Variants in ZFYVE26 observed in about 807,000 individuals in gnomAD.
The protein encoded by ZFYVE26 is zinc finger FYVE domain-containing protein 26.
Under a neutral mutation model 276.5 loss-of-function variants are expected in ZFYVE26, and 181 were observed. That is an observed-to-expected ratio of 0.65 (90% CI 0.58 to 0.74). The LOEUF (loss-of-function observed/expected upper bound fraction) is 0.74, where lower values mean the gene tolerates loss of function less well. ZFYVE26 is among the 30% of genes least tolerant of loss of function. The pLI is 0.00. For missense variants in ZFYVE26, 2,821 were observed against 3,097.9 expected (o/e 0.91, Z 2.12); for synonymous variants, 1,129 against 1,203.1 (o/e 0.94, Z 1.27).
intron 12 of ZFYVE26, among the ~76,000 whole-genome samples, chr14:67,795,527 A>C (rs921955400): frequency 3.3e-5 from 5 of 152,226 alleles, no homozygotes; most frequent in Non-Finnish European, 7.3e-5. Context: ...CTATCTAAGC[A>C]GGTACATTAC....
chr14:67,755,132 T>C lies in ZFYVE26; in HGVS notation c.6905A>G (p.Tyr2302Cys), dbSNP rs199939197. 1 of 1,614,148 alleles carries C rather than the reference T, an allele frequency of 6.2e-7. No individual in the cohort carries two copies. The highest frequency in any genetic ancestry group is 1.7e-4 in the Middle Eastern group (1 of 6,060). Residue 2302 changes from tyrosine to cysteine, a missense_variant, in exon 37 of 42, where the codon TAC becomes TGC. Transcript: ENST00000347230. ...LLKAKDHLKI[Y>C]LQETSRSSGR... The stretch of plus-strand genomic sequence containing the variant: ...AGAGCTGCGGGATGTTTCTTGGAGG[T>C]AGATCTTCAGGTGGTCCTTGGCCTT...
Position 67,798,518 on chromosome 14 carries a change from G to A in ZFYVE26, c.1744C>T (p.Leu582Phe), listed in dbSNP as rs201652746. 8 of 1,614,146 alleles carry A rather than the reference G, an allele frequency of 5.0e-6. No individual in the cohort carries two copies. In the East Asian group the frequency reaches 1.6e-4, roughly 31 times the overall value. The change falls in exon 11 of 42, where the codon CTT (leucine) becomes TTT (phenylalanine). Residue 582 changes from leucine to phenylalanine, a missense_variant. Physicochemically the swap from Leu to Phe is conservative, Grantham distance 22 (BLOSUM62 0). Coordinates refer to ENST00000347230, the MANE Select transcript of ZFYVE26 (RefSeq NM_015346.4). The stretch of plus-strand genomic sequence containing the variant: ...TGAAGATCAGCAGAGGTGATGAGAA[G>A]CAATGAGAAGATGTTTTCCAGAAGC... ...LELLENIFSL[L>F]LITSADLHPE... is the part of the protein sequence containing the mutation.
intron 13 of ZFYVE26, chr14:67,735,392 T>C: frequency 2.9e-6 from 2 of 679,832 alleles, no homozygotes; most frequent in Non-Finnish European, 5.4e-6. Context: ...CTTGTCATGT[T>C]TCCAGAAAAG....
At chr14:67,805,109 G>T in intron 8 of ZFYVE26, 108 bp downstream of exon 8, 1 of 1,063,642 alleles carries the variant, frequency 9.4e-7, no homozygotes, top group Non-Finnish European at 1.4e-6. Flanking sequence ...GGTCAACATT[G>T]CCAACTCAAA....
intron 13 of ZFYVE26, among the ~76,000 whole-genome samples, chr14:67,736,109 C>G (rs2038349607): frequency 6.6e-6 from 1 of 152,186 alleles, no homozygotes; most frequent in African/African-American, 2.4e-5. Context: ...AGGGTTGAAA[C>G]TGGAAAGTGG....
Position 67,798,152 on chromosome 14 carries a change from G to A in ZFYVE26, c.2110C>T (p.Pro704Ser). 6.2e-7 allele frequency: 1 copy of A among 1,614,036 alleles called. No individual in the cohort carries two copies. The highest frequency in any genetic ancestry group is 8.5e-7 in the Non-Finnish European group (1 of 1,179,966). Residue 704 changes from proline (P) to serine (S), a missense_variant, in exon 11 of 42, where the codon CCT becomes TCT. By Grantham distance (74) the Pro-to-Ser change is moderately conservative (BLOSUM62 -1). Coordinates refer to ENST00000347230, the MANE Select transcript of ZFYVE26 (RefSeq NM_015346.4). ...EQLDEISSRS[P>S]PEKPKQESQS... ...CTTTCTTGCTTTGGCTTCTCAGGAG[G>A]GCTGCGGCTACTGATCTCATCCAGT...
rs915030769 is a variant in ZFYVE26, at chr14:67,748,017, G to A, written c.*419C>T. Reference sequence around the variant, plus strand: ...CCACAGAGGGGGGACTATACAAACAGGACAACCCGGGTCAAGAACCAAAAC... The same window carrying A: ...CCACAGAGGGGGGACTATACAAACAAGACAACCCGGGTCAAGAACCAAAAC... On this transcript the variant is annotated 3_prime_UTR_variant, in exon 42 of 42. Coordinates refer to ENST00000347230, the MANE Select transcript of ZFYVE26 (RefSeq NM_015346.4). 1 of 237,180 alleles carries A rather than the reference G, an allele frequency of 4.2e-6. No homozygotes were observed. Among genetic ancestry groups the A allele is most frequent in the African/African-American group, 2.2e-5 (1 of 44,502 alleles). The allele number at this position is 237,180 out of a possible 1,614,324, so 14.7% of individuals were successfully genotyped here.
Position 67,806,728 on chromosome 14 carries a change from G to A in ZFYVE26, c.887-53C>T, listed in dbSNP as rs559899198. The A allele has an allele frequency of 1.1e-5, 18 of 1,608,398 alleles. No individual in the cohort carries two copies. The African/African-American group carries it at 2.0e-4, about 18-fold the overall frequency. ...GAAACCAAGAACTCTTCTTTTCTAA[G>A]CTAGAGCCCATTTGAACAACCAAGT... On this transcript the variant is annotated intron_variant, in intron 5 of 41. Coordinates refer to ENST00000347230, the MANE Select transcript of ZFYVE26 (RefSeq NM_015346.4).
intron 35 of ZFYVE26, among the ~76,000 whole-genome samples, chr14:67,757,987 T>C (rs113917672): frequency 1.1e-4 from 17 of 152,286 alleles, no homozygotes; most frequent in African/African-American, 3.6e-4. Flanking sequence ...AGTGCTGGGA[T>C]TACAGAAACG....
chr14:67,729,161 C>G (rs780168769), intron 14 of ZFYVE26: 1 of 1,608,632 alleles, frequency 6.2e-7, no homozygotes, highest in Non-Finnish European at 8.5e-7. Context: ...AGAGTGTGTC[C>G]CTGATCTAAT....
intron 23 of ZFYVE26, among the ~76,000 whole-genome samples, chr14:67,779,725 C>T (rs1036827199): frequency 1.3e-5 from 2 of 152,032 alleles, no homozygotes; most frequent in African/African-American, 2.4e-5. Context: ...AATTCCACTT[C>T]GAGAAATACA....
Position 67,776,061 on chromosome 14 carries a change from A to C in ZFYVE26, c.5020T>G (p.Leu1674Val). Residue 1674 changes from leucine to valine, a missense_variant, in exon 26 of 42, where the codon TTG becomes GTG. Leu to Val is a conservative substitution (Grantham distance 32). Transcript: ENST00000347230. ...AGCATGAACAGGGGGTTAGAGGACA[A>C]GTGGGAATAGCTGGCCCGGTGCTGC... ...PEQHRASYSHLSSNPLFMLEQ... is the reference protein window; with the variant it reads ...PEQHRASYSHVSSNPLFMLEQ... 1 of 1,614,238 alleles carries C rather than the reference A, an allele frequency of 6.2e-7. No individual in the cohort carries two copies. Among genetic ancestry groups the C allele is most frequent in the South Asian group, 1.1e-5 (1 of 91,086 alleles).
chr14:67,754,961 A>G, intron 37 of ZFYVE26, 90 bp downstream of exon 37: 2 of 1,438,894 alleles, frequency 1.4e-6, no homozygotes, highest in Non-Finnish European at 2.0e-6. Flanking sequence ...TTCAGGATTC[A>G]AGGAATGGAC....
At chr14:67,768,965 T>C (rs2039132600) in intron 29 of ZFYVE26, among the ~76,000 whole-genome samples, 1 of 152,242 alleles carries the variant, frequency 6.6e-6, no homozygotes, top group Non-Finnish European at 1.5e-5. Context: ...TTTTGGATGG[T>C]TGCTTTGGCC....
intron 15 of ZFYVE26, among the ~76,000 whole-genome samples, chr14:67,790,082 G>C (rs544430847): frequency 6.6e-6 from 1 of 152,224 alleles, no homozygotes; most frequent in African/African-American, 2.4e-5. Flanking sequence ...TGAAAATGTG[G>C]AACAAGATTC....
intron 21 of ZFYVE26, among the ~76,000 whole-genome samples, chr14:67,782,052 AAC>A (rs1231840533): frequency 6.6e-6 from 1 of 152,238 alleles, no homozygotes; most frequent in Non-Finnish European, 1.5e-5. Context: ...AGCAATTAAG[AAC>A]ACACAGCCAG....
chr14:67,775,840 T>C lies in ZFYVE26; in HGVS notation c.5221+20A>G, dbSNP rs1407447257. Reference sequence around the variant, plus strand: ...TTTCTTCCTCCATGTAGAATCCCCTTCTAGGATGCTAGCAGTTACCTGATC... The same window carrying C: ...TTTCTTCCTCCATGTAGAATCCCCTCCTAGGATGCTAGCAGTTACCTGATC... On this transcript the variant is annotated intron_variant, in intron 26 of 41. Transcript: ENST00000347230. 1.2e-6 allele frequency: 2 copies of C among 1,613,942 alleles called. No individual in the cohort carries two copies. The highest frequency in any genetic ancestry group is 1.7e-6 in the Non-Finnish European group (2 of 1,180,004).
Position 67,782,878 on chromosome 14 carries a change from T to C in ZFYVE26, c.4274A>G (p.Asp1425Gly). Residue 1425 changes from aspartate (D) to glycine (G), a missense_variant, in exon 21 of 42, where the codon GAT becomes GGT. By Grantham distance (94) the Asp-to-Gly change is moderately conservative. Transcript: ENST00000347230. The stretch of plus-strand genomic sequence containing the variant: ...AGTGAGCTGAAGGGCCCGGGACCAA[T>C]CTCTGGCCACCAAGGATTCCTCAAA... ...EAFEESLVAR[D>G]WSRALQLTEV... The C allele has an allele frequency of 1.2e-6, 2 of 1,614,162 alleles. No homozygotes were observed. Among genetic ancestry groups the C allele is most frequent in the Non-Finnish European group, 1.7e-6 (2 of 1,180,020 alleles).
intron 24 of ZFYVE26, 140 bp downstream of exon 24, chr14:67,777,986 G>C (rs2039392361): frequency 7.3e-7 from 1 of 1,373,190 alleles, no homozygotes; most frequent in African/African-American, 1.4e-5. Context: ...TTCTGCTCAA[G>C]ATGACTATAA....
Sources: allele counts gnomAD v4.1 joint callset (sites outside exome capture counted in the v4.1 genomes callset), GRCh38; gene constraint gnomAD v4.1.1; transcripts MANE v1.5; gene names NCBI Gene and HGNC (gene_info 2026-07-23, HGNC 2026-07-21).